Variants in EDAR observed in about 807,000 individuals in gnomAD.
EDAR encodes the protein tumor necrosis factor receptor superfamily member EDAR.
EDAR carries 38 observed loss-of-function variants against 51.3 expected under a neutral mutation model. The observed-to-expected ratio is 0.74, with a 90% CI of 0.57 to 0.97. The LOEUF (loss-of-function observed/expected upper bound fraction) is 0.97, where lower values mean the gene tolerates loss of function less well. EDAR is among the 50% of genes least tolerant of loss of function. The pLI, the probability that EDAR is intolerant of heterozygous loss-of-function variation, is 0.00. For missense variants in EDAR, 528 were observed against 595.0 expected (o/e 0.89, Z 1.17); for synonymous variants, 227 against 242.1 (o/e 0.94, Z 0.58).
intron 1 of EDAR, among the ~76,000 whole-genome samples, chr2:108,947,062 A>G (rs908803248): frequency 2.0e-5 from 3 of 152,218 alleles, no homozygotes; most frequent in African/African-American, 7.2e-5. Flanking sequence ...CCAAGATACA[A>G]TGGAGATACA....
rs530423326 is a variant in EDAR at position 108,927,260 on chromosome 2, G to T, written c.356+1938C>A. Among the ~76,000 whole-genome samples the T allele has an allele frequency of 2.4e-4, 36 of 152,300 alleles. No individual in the cohort carries two copies. In the South Asian group the frequency reaches 7.0e-3, roughly 30 times the overall value. ...TTGCTATGTCCTGGGTGCTGAGAGT[G>T]GTGTGGACTGAGCAGGTCACTGTCC... On this transcript the variant is annotated intron_variant, in intron 4 of 11. Transcript: ENST00000258443.
intron 1 of EDAR, among the ~76,000 whole-genome samples, chr2:108,971,764 T>C (rs987414612): frequency 2.6e-5 from 4 of 152,216 alleles, no homozygotes; most frequent in African/African-American, 9.6e-5. Flanking sequence ...CACAAACTCT[T>C]TGATACCACC....
chr2:108,949,998 A>T (rs573246410), intron 1 of EDAR, among the ~76,000 whole-genome samples: 3 of 152,348 alleles, frequency 2.0e-5, no homozygotes, highest in East Asian at 3.9e-4. Flanking sequence ...GGGTGCAGCA[A>T]ACTGGACAAA....
chr2:108,983,687 A>G (rs1304236144), intron 1 of EDAR, among the ~76,000 whole-genome samples: 1 of 152,212 alleles, frequency 6.6e-6, no homozygotes, highest in Non-Finnish European at 1.5e-5. Context: ...CGAGGAAGGA[A>G]ATCAAACTTT....
At chr2:108,956,013 G>A (rs189173072) in intron 1 of EDAR, among the ~76,000 whole-genome samples, 4 of 152,032 alleles carry the variant, frequency 2.6e-5, no homozygotes, top group South Asian at 4.2e-4. Context: ...TGGGCAACAG[G>A]GCAAGACTCT....
intron 6 of EDAR, 98 bp from the exon 7 acceptor site, chr2:108,911,170 G>GAAAGCATCCCAGGGGCA: frequency 6.8e-7 from 1 of 1,480,300 alleles, no homozygotes; most frequent in Non-Finnish European, 9.4e-7. Flanking sequence ...CCCTGCCCCT[G>GAAAGCATCCCAGGGGCA]GGATGCTTTC....
At chr2:108,906,463 G>C (rs1475103492) in intron 10 of EDAR, 95 bp from the exon 11 acceptor site, 5 of 1,297,348 alleles carry the variant, frequency 3.9e-6, no homozygotes, top group Non-Finnish European at 5.6e-6. Flanking sequence ...CAGCAGCTAC[G>C]CCCAACACCA....
intron 1 of EDAR, among the ~76,000 whole-genome samples, chr2:108,986,790 A>G (rs1383426271): frequency 1.3e-5 from 2 of 152,234 alleles, no homozygotes; most frequent in Non-Finnish European, 2.9e-5. Flanking sequence ...CTTAAAAAAA[A>G]TTCCTTCCTG....
At chr2:108,988,427 C>A (rs939505653) in intron 1 of EDAR, among the ~76,000 whole-genome samples, 1 of 152,160 alleles carries the variant, frequency 6.6e-6, no homozygotes, top group African/African-American at 2.4e-5. Flanking sequence ...GGTACCCACT[C>A]CCCTCCTTCT....
In EDAR at chr2:108,906,292, T is replaced by G. The variant is rs989041328; in HGVS notation, c.1024+16A>C. The G allele has an allele frequency of 7.6e-7, 1 of 1,319,842 alleles. No individual in the cohort carries two copies. Among genetic ancestry groups the G allele is most frequent in the Non-Finnish European group, 9.8e-7 (1 of 1,019,088 alleles). The allele number at this position is 1,319,842 out of a possible 1,614,324, so 81.8% of individuals were successfully genotyped here. A position where few individuals can be genotyped will look rare whatever the true frequency, so the allele number is the denominator to read the frequency against. ...GGGGTGGGCACCACCTCTCCCAGGC[T>G]TTTTTTTCAGCTTACCTTCCACGAC... is the stretch of plus-strand genomic sequence containing the variant. On this transcript the variant is annotated intron_variant, in intron 11 of 11. Transcript: ENST00000258443.
chr2:108,904,759 G>A (rs1255410697), intron 11 of EDAR, among the ~76,000 whole-genome samples: 4 of 152,166 alleles, frequency 2.6e-5, no homozygotes. Context: ...CTCTTGAAAT[G>A]ACAAAATTAT....
chr2:108,975,217 G>C (rs1698301532), intron 1 of EDAR, among the ~76,000 whole-genome samples: 2 of 152,234 alleles, frequency 1.3e-5, no homozygotes, highest in Non-Finnish European at 2.9e-5. Flanking sequence ...GCAAAGGAGA[G>C]AGAGGATCTG....
intron 11 of EDAR, among the ~76,000 whole-genome samples, chr2:108,898,213 C>T (rs1696635991): frequency 6.6e-6 from 1 of 152,136 alleles, no homozygotes; most frequent in Admixed American, 6.5e-5. Flanking sequence ...CCACCCTCAC[C>T]AGGCTGTAAC....
chr2:108,985,387 C>T (rs552130731), intron 1 of EDAR, among the ~76,000 whole-genome samples: 6 of 152,306 alleles, frequency 3.9e-5, no homozygotes, highest in African/African-American at 9.6e-5. Flanking sequence ...TCTGATTGAC[C>T]GTGAAGTGAG....
At position 108,932,294 on chromosome 2, in the gene EDAR, T is replaced by C. The variant is rs568722908; in HGVS notation, c.-18-1262A>G. ...CTGTAATCCCAGCACTTTGGGAGGC[T>C]GAGACGGGCGGATCACGAGGTCAGG... is the stretch of plus-strand genomic sequence containing the variant. On this transcript the variant is annotated intron_variant, in intron 1 of 11. Transcript: ENST00000258443. Among the ~76,000 whole-genome samples, 476 of 152,062 alleles carry C rather than the reference T, an allele frequency of 3.1e-3. 3 individuals carry two copies. Among genetic ancestry groups the C allele is most frequent in the African/African-American group, 0.011 (463 of 41,484 alleles).
chr2:108,928,483 G>A (rs1029641008), intron 4 of EDAR, among the ~76,000 whole-genome samples: 7 of 152,108 alleles, frequency 4.6e-5, no homozygotes, highest in African/African-American at 9.7e-5. Context: ...CCTCATCACT[G>A]CCATCACCTC....
At chr2:108,964,175 T>C (rs533403033) in intron 1 of EDAR, among the ~76,000 whole-genome samples, 2 of 152,300 alleles carry the variant, frequency 1.3e-5, no homozygotes, top group Admixed American at 1.3e-4. Flanking sequence ...TCCCACCTCC[T>C]GAAATGCTCT....
At chr2:108,902,675 T>C (rs1187120300) in intron 11 of EDAR, among the ~76,000 whole-genome samples, 1 of 152,138 alleles carries the variant, frequency 6.6e-6, no homozygotes, top group African/African-American at 2.4e-5. Context: ...TAAAAAAGAA[T>C]TGTACCACAT....
intron 4 of EDAR, among the ~76,000 whole-genome samples, chr2:108,927,585 G>A (rs74375936): frequency 6.6e-5 from 10 of 152,226 alleles, no homozygotes; most frequent in South Asian, 4.1e-4. Context: ...AGCATAGGTC[G>A]GCGAGGTTCC....
Sources: gnomAD v4.1 joint callset for allele counts (sites outside exome capture counted in the v4.1 genomes callset) on GRCh38, gnomAD v4.1.1 for gene constraint, MANE v1.5 for transcripts, NCBI Gene and HGNC (gene_info 2026-07-23, HGNC 2026-07-21) for gene names.